Variants in KHDRBS2 observed in about 807,000 individuals in gnomAD.
The protein encoded by KHDRBS2 is KH RNA binding domain containing, signal transduction associated 2.
In KHDRBS2, 26 loss-of-function variants were observed where a neutral mutation model predicts 44.3. The observed-to-expected ratio is 0.59, with a 90% confidence interval of 0.43 to 0.81. KHDRBS2 has a LOEUF of 0.81. KHDRBS2 is among the 40% of genes least tolerant of loss of function. KHDRBS2 has a pLI of 0.00. For missense variants in KHDRBS2, 476 were observed against 433.1 expected, an observed-to-expected ratio of 1.10 and a Z score of -0.88; for synonymous variants, 194 against 151.1, an observed-to-expected ratio of 1.28 and a Z score of -2.08.
Position 62,286,005 on chromosome 6 carries a change from A to C in KHDRBS2, c.-57T>G, listed in dbSNP as rs1026079574. On this transcript the variant is annotated 5_prime_UTR_variant, in exon 1 of 9. Coordinates refer to ENST00000281156, the MANE Select transcript of KHDRBS2 (RefSeq NM_152688.4). ...CGCGAGGTTCCGCTCGCTCGGACGC[A>C]GGCAGGGTCTTGGGGCAGCGCCTGG... 1 of 1,109,114 alleles carries C rather than the reference A, an allele frequency of 9.0e-7. No homozygotes were observed. The highest frequency in any genetic ancestry group is 1.5e-5 in the African/African-American group (1 of 65,104). The allele number at this position is 1,109,114 out of a possible 1,614,324, so 68.7% of individuals were successfully genotyped here.
chr6:61,697,435 GA>G (rs1039999039), intron 7 of KHDRBS2, among the ~76,000 whole-genome samples, 182 bp from the exon 8 acceptor site: 1 of 151,648 alleles, frequency 6.6e-6, no homozygotes, highest in Non-Finnish European at 1.5e-5. Flanking sequence ...GGAGTGCTAT[GA>G]TTTTTTTTAA....
intron 1 of KHDRBS2, among the ~76,000 whole-genome samples, chr6:62,267,530 C>T (rs1169730360): frequency 2.0e-5 from 3 of 151,980 alleles, no homozygotes; most frequent in Non-Finnish European, 4.4e-5. Context: ...GGACAATCTC[C>T]TTAAAAATCT....
the KHDRBS2 span, among the ~76,000 whole-genome samples, chr6:61,555,469 A>T: frequency 6.6e-6 from 1 of 152,098 alleles, no homozygotes; most frequent in Non-Finnish European, 1.5e-5. Context: ...ATTGTTGATG[A>T]TCTTCATTCC....
intron 2 of KHDRBS2, among the ~76,000 whole-genome samples, chr6:62,061,654 G>C (rs1220431991): frequency 6.6e-6 from 1 of 150,978 alleles, no homozygotes; most frequent in Non-Finnish European, 1.5e-5. Flanking sequence ...TATGTGTCTT[G>C]GAGTTGCTCT....
intron 2 of KHDRBS2, among the ~76,000 whole-genome samples, chr6:62,174,299 C>A (rs1449202095): frequency 6.6e-6 from 1 of 151,492 alleles, no homozygotes; most frequent in Admixed American, 6.6e-5. Flanking sequence ...ATAATGCAAT[C>A]CCATTCACAA....
At chr6:61,663,381 C>T in the KHDRBS2 span, among the ~76,000 whole-genome samples, 69 of 142,054 alleles carry the variant, frequency 4.9e-4, no homozygotes, top group Middle Eastern at 3.6e-3. Context: ...GCACATGTAC[C>T]CTAAAACTTA....
At chr6:61,754,583 G>A (rs1778214817) in intron 6 of KHDRBS2, among the ~76,000 whole-genome samples, 2 of 110,054 alleles carry the variant, frequency 1.8e-5, no homozygotes, top group African/African-American at 8.1e-5. Context: ...TTTTTTTTTG[G>A]TTTCAGTCTT....
the KHDRBS2 span, among the ~76,000 whole-genome samples, chr6:61,656,282 T>C: frequency 7.2e-5 from 11 of 152,132 alleles, no homozygotes; most frequent in Non-Finnish European, 8.8e-5. Context: ...ATATACTTAT[T>C]GAGAACCTTC....
intron 2 of KHDRBS2, among the ~76,000 whole-genome samples, chr6:62,109,420 A>G (rs906962567): frequency 1.3e-5 from 2 of 152,000 alleles, no homozygotes; most frequent in Non-Finnish European, 2.9e-5. Flanking sequence ...TTATATAAAG[A>G]TTTTTGGTTT....
chr6:61,662,631 C>T, the KHDRBS2 span, among the ~76,000 whole-genome samples: 1 of 151,858 alleles, frequency 6.6e-6, no homozygotes, highest in African/African-American at 2.4e-5. Context: ...TTTATGCAGC[C>T]AAAAAACACA....
chr6:61,965,193 C>T (rs1419000754), intron 4 of KHDRBS2, among the ~76,000 whole-genome samples: 1 of 152,038 alleles, frequency 6.6e-6, no homozygotes, highest in Non-Finnish European at 1.5e-5. Flanking sequence ...TTATGGTTTG[C>T]CATGTGCCAG....
At chr6:61,644,633 A>G in the KHDRBS2 span, among the ~76,000 whole-genome samples, 2 of 152,186 alleles carry the variant, frequency 1.3e-5, no homozygotes, top group Non-Finnish European at 2.9e-5. Flanking sequence ...AACCCCTTTA[A>G]AAAGTAGGCA....
the KHDRBS2 span, among the ~76,000 whole-genome samples, chr6:61,587,030 T>C: frequency 2.6e-5 from 4 of 152,188 alleles, no homozygotes; most frequent in Non-Finnish European, 5.9e-5. Context: ...ACTTTCTCCT[T>C]GCCATTTTTA....
the KHDRBS2 span, among the ~76,000 whole-genome samples, chr6:61,672,386 G>A: frequency 6.6e-6 from 1 of 151,938 alleles, no homozygotes; most frequent in Non-Finnish European, 1.5e-5. Flanking sequence ...GGGTCAAATG[G>A]TATTTCTAGT....
chr6:61,985,228 C>A (rs183088343), intron 3 of KHDRBS2, among the ~76,000 whole-genome samples: 2 of 152,210 alleles, frequency 1.3e-5, no homozygotes, highest in East Asian at 1.9e-4. Flanking sequence ...AGACTGGAAA[C>A]TTTTTAGTAA....
At chr6:61,746,625 T>TG (rs1776896822) in intron 6 of KHDRBS2, among the ~76,000 whole-genome samples, 1 of 152,180 alleles carries the variant, frequency 6.6e-6, no homozygotes, top group Non-Finnish European at 1.5e-5. Context: ...TACATGGGTA[T>TG]GTGTCTCTAT....
At position 62,134,766 on chromosome 6, in the gene KHDRBS2, T is replaced by C. The variant is rs552945800; in HGVS notation, c.219+42419A>G. 5.5e-4 allele frequency among the ~76,000 whole-genome samples: 84 copies of C among 152,230 alleles called. 1 individual carries two copies. Among genetic ancestry groups the C allele is most frequent in the African/African-American group, 1.9e-3 (81 of 41,552 alleles). ...TGAGACATGTAGTCAAAGGAGATAA[T>C]TGCTTTAAGATTTGACTCCCCCACT... is the stretch of plus-strand genomic sequence containing the variant. On this transcript the variant is annotated intron_variant, in intron 2 of 8. Transcript: ENST00000281156.
chr6:61,782,936 T>C (rs1715037), intron 6 of KHDRBS2, among the ~76,000 whole-genome samples: 96,938 of 151,018 alleles, frequency 0.64, 31,822 homozygotes, highest in African/African-American at 0.79. Flanking sequence ...GACACAAGAA[T>C]ATTCCATGTC....
At chr6:61,902,350 C>A (rs1265625849) in intron 4 of KHDRBS2, among the ~76,000 whole-genome samples, 4 of 152,000 alleles carry the variant, frequency 2.6e-5, no homozygotes, top group Non-Finnish European at 1.5e-5. Flanking sequence ...CAATAACAAC[C>A]AGAGATTCAG....
Sources: allele counts gnomAD v4.1 joint callset (sites outside exome capture counted in the v4.1 genomes callset), GRCh38; gene constraint gnomAD v4.1.1; transcripts MANE v1.5; gene names NCBI Gene and HGNC (gene_info 2026-07-23, HGNC 2026-07-21).